Variants in RC3H2 observed in about 807,000 individuals in gnomAD.
RC3H2 encodes ring finger and CCCH-type domains 2.
In RC3H2, 31 loss-of-function variants were observed where a neutral mutation model predicts 133.3. The ratio of observed to expected loss-of-function variants is 0.23; its 90% CI spans 0.17 to 0.31. The LOEUF (loss-of-function observed/expected upper bound fraction) is 0.31. RC3H2 is among the 10% of genes least tolerant of loss of function. The probability of loss-of-function intolerance (pLI) is 1.00; values close to 1 mark genes in which losing one functional copy is unlikely to be tolerated. For synonymous variants in RC3H2, 517 were observed against 502.2 expected (o/e 1.03, Z -0.40); for missense variants, 1,175 against 1,437.2 (o/e 0.82, Z 2.95).
intron 1 of RC3H2, 78 bp from the exon 2 acceptor site, chr9:122,897,654 T>C: frequency 3.0e-6 from 3 of 988,252 alleles, no homozygotes; most frequent in Non-Finnish European, 4.3e-6. Context: ...AGTCAACTAT[T>C]ACAGCTTCAG....
At chr9:122,853,398 G>A (rs199859915) in intron 18 of RC3H2, among the ~76,000 whole-genome samples, 4,256 of 122,746 alleles carry the variant, frequency 0.035, 69 homozygotes, top group African/African-American at 0.051. Flanking sequence ...AAAAAAAAAA[G>A]AAAAATACTG....
intron 9 of RC3H2, chr9:122,873,769 C>T (rs563948101): frequency 3.2e-4 from 48 of 152,066 alleles, no homozygotes; most frequent in African/African-American, 1.1e-3. Flanking sequence ...TGTAAATAAA[C>T]AATTATAATA....
In RC3H2 at chr9:122,848,789, T is replaced by A. The variant is rs1829920576; in HGVS notation, c.*838A>T. On this transcript the variant is annotated 3_prime_UTR_variant, in exon 21 of 21. Coordinates refer to ENST00000357244, the MANE Select transcript of RC3H2 (RefSeq NM_001100588.3). The stretch of plus-strand genomic sequence containing the variant: ...AATGTACAGGCTTAAATCTGCATTT[T>A]AAAAAACTGCCATTACATTAGTGCA... 1.3e-5 allele frequency: 2 copies of A among 152,198 alleles called. No individual in the cohort carries two copies. Among genetic ancestry groups the A allele is most frequent in the Non-Finnish European group, 2.9e-5 (2 of 68,016 alleles). 9.4% of individuals were successfully genotyped at this position (152,198 alleles called of 1,614,324 possible).
Position 122,851,078 on chromosome 9 carries a change from C to A in RC3H2, c.3380+3G>T. 6.2e-7 allele frequency: 1 copy of A among 1,613,848 alleles called. No individual in the cohort carries two copies. The highest frequency in any genetic ancestry group is 8.5e-7 in the Non-Finnish European group (1 of 1,179,914). On this transcript the variant is annotated splice_donor_region_variant and intron_variant, in intron 20 of 20. Coordinates refer to ENST00000357244, the MANE Select transcript of RC3H2 (RefSeq NM_001100588.3). ...GTTTATGAATTTTCTGTCTAACACT[C>A]ACAGAATCACATGGTCTTCACCTAA...
chr9:122,885,609 T>C (rs913841374), intron 4 of RC3H2, among the ~76,000 whole-genome samples: 5 of 152,160 alleles, frequency 3.3e-5, no homozygotes, highest in African/African-American at 1.2e-4. Flanking sequence ...TCTTTAAATT[T>C]TTTCTTTTTT....
chr9:122,857,086 G>A (rs1490999476), intron 13 of RC3H2, among the ~76,000 whole-genome samples: 1 of 152,178 alleles, frequency 6.6e-6, no homozygotes, highest in Non-Finnish European at 1.5e-5. Flanking sequence ...AATCCAGGGG[G>A]AAGAGGGGGT....
chr9:122,862,937 A>T (rs1830514147), intron 10 of RC3H2, among the ~76,000 whole-genome samples: 2 of 151,456 alleles, frequency 1.3e-5, no homozygotes, highest in Non-Finnish European at 1.5e-5. Flanking sequence ...CTATTTTGTT[A>T]AAAAATTGAG....
At chr9:122,891,012 A>ATTT (rs10571749) in intron 3 of RC3H2, among the ~76,000 whole-genome samples, 2 of 72,824 alleles carry the variant, frequency 2.7e-5, no homozygotes, top group South Asian at 4.8e-4. Context: ...AATCTGCCCC[A>ATTT]TTTTTTTTTT....
At chr9:122,863,851 C>G (rs531668774) in intron 10 of RC3H2, among the ~76,000 whole-genome samples, 1 of 152,322 alleles carries the variant, frequency 6.6e-6, no homozygotes, top group East Asian at 1.9e-4. Flanking sequence ...ATTCTCCTGC[C>G]TCAGCCTTCC....
Position 122,858,099 on chromosome 9 carries a change from G to A in RC3H2, c.2284-6C>T. 1 of 1,613,124 alleles carries A rather than the reference G, an allele frequency of 6.2e-7. No homozygotes were observed. Among genetic ancestry groups the A allele is most frequent in the East Asian group, 2.2e-5 (1 of 44,870 alleles). ...TTCAAATGACCACAAGGTTCCTAAT[G>A]GGGGATAAAAGAAACAATCTTAATC... On this transcript the variant is annotated splice_region_variant and splice_polypyrimidine_tract_variant and intron_variant, in intron 12 of 20. Transcript: ENST00000357244.
At chr9:122,888,528 A>G (rs1832029950) in intron 4 of RC3H2, among the ~76,000 whole-genome samples, 1 of 152,162 alleles carries the variant, frequency 6.6e-6, no homozygotes. Flanking sequence ...ATTTAAATGA[A>G]TAAGTGGATT....
chr9:122,852,390 C>A (rs1187787054), intron 18 of RC3H2, among the ~76,000 whole-genome samples: 7 of 150,686 alleles, frequency 4.6e-5, no homozygotes, highest in Middle Eastern at 3.5e-3. Flanking sequence ...GCAGCCGCCC[C>A]GTCCGGGAGG....
At chr9:122,881,457 C>CA (rs11321863) in intron 5 of RC3H2, among the ~76,000 whole-genome samples, 886 of 85,194 alleles carry the variant, frequency 0.01, 12 homozygotes, top group African/African-American at 0.032. Context: ...GACTCCGTCT[C>CA]AAAAAAAAAA....
intron 13 of RC3H2, 49 bp from the exon 14 acceptor site, chr9:122,855,927 A>G: frequency 6.7e-7 from 1 of 1,486,078 alleles, no homozygotes; most frequent in Non-Finnish European, 9.2e-7. Flanking sequence ...GCTTAAATTT[A>G]CAAGCTTGTA....
chr9:122,861,751 A>G (rs1830465015), intron 10 of RC3H2, among the ~76,000 whole-genome samples: 2 of 152,280 alleles, frequency 1.3e-5, no homozygotes, highest in Non-Finnish European at 1.5e-5. Flanking sequence ...ATAAAGAAAA[A>G]GGTATATGGG....
At chr9:122,879,338 G>A (rs1487805072) in intron 8 of RC3H2, among the ~76,000 whole-genome samples, 1 of 151,958 alleles carries the variant, frequency 6.6e-6, no homozygotes, top group Non-Finnish European at 1.5e-5. Flanking sequence ...AGGTTGCAGT[G>A]AGCTGAGATA....
At chr9:122,874,121 A>G (rs577285800) in intron 9 of RC3H2, 1 of 152,318 alleles carries the variant, frequency 6.6e-6, no homozygotes, top group South Asian at 2.1e-4. Flanking sequence ...CCAGATAAAG[A>G]GGAGAGAGAA....
chr9:122,892,846 T>G, intron 3 of RC3H2, 63 bp downstream of exon 3: 1 of 1,281,498 alleles, frequency 7.8e-7, no homozygotes, highest in Admixed American at 1.7e-5. Flanking sequence ...CCACATCAAG[T>G]CATTCAAAGT....
At chr9:122,854,344 T>A in intron 16 of RC3H2, 78 bp from the exon 17 acceptor site, 1 of 1,334,228 alleles carries the variant, frequency 7.5e-7, no homozygotes, top group South Asian at 1.2e-5. Flanking sequence ...ATATGTTTTA[T>A]GTGACAGATC....
Sources: gnomAD v4.1 joint callset for allele counts (sites outside exome capture counted in the v4.1 genomes callset) on GRCh38, gnomAD v4.1.1 for gene constraint, MANE v1.5 for transcripts, NCBI Gene and HGNC (gene_info 2026-07-23, HGNC 2026-07-21) for gene names.